The following CNTN5 variants were observed in gnomAD, a reference collection of about 807,000 sequenced individuals.
CNTN5 encodes the protein contactin-5.
In CNTN5, 77 loss-of-function variants were observed where a neutral mutation model predicts 129.1. That is an observed-to-expected ratio of 0.60 (90% CI 0.50 to 0.72). CNTN5 has a LOEUF of 0.72. Among genes scored for constraint, CNTN5 ranks in the 30% least tolerant of loss-of-function variants. The pLI is 0.00. For missense variants in CNTN5, 1,478 were observed against 1,328.8 expected (o/e 1.11, Z -1.75); for synonymous variants, 509 against 465.6 (o/e 1.09, Z -1.20).
At chr11:99,904,234 C>G (rs1399838202) in intron 6 of CNTN5, among the ~76,000 whole-genome samples, 1 of 152,102 alleles carries the variant, frequency 6.6e-6, no homozygotes, top group African/African-American at 2.4e-5. Context: ...CACCCATCAA[C>G]TCATCATCTA....
intron 18 of CNTN5, among the ~76,000 whole-genome samples, chr11:100,282,850 C>T (rs1360813650): frequency 7.3e-6 from 1 of 137,822 alleles, no homozygotes; most frequent in Non-Finnish European, 1.6e-5. Flanking sequence ...AGAGGAGCCT[C>T]ACCACGTGGC....
intron 2 of CNTN5, among the ~76,000 whole-genome samples, chr11:99,446,226 C>T (rs1041467529): frequency 3.9e-5 from 6 of 151,938 alleles, no homozygotes; most frequent in African/African-American, 1.5e-4. Context: ...GTTGATTTCT[C>T]TTATTGCTGG....
intron 6 of CNTN5, among the ~76,000 whole-genome samples, chr11:99,902,241 AG>A (rs1318665912): frequency 1.3e-5 from 1 of 79,140 alleles, no homozygotes; most frequent in Non-Finnish European, 2.5e-5. Flanking sequence ...CAAGCTAAGG[AG>A]TTTTTTTTTT....
At chr11:100,350,536 T>C (rs2139037864) in intron 23 of CNTN5, among the ~76,000 whole-genome samples, 166 bp from the exon 24 acceptor site, 1 of 151,866 alleles carries the variant, frequency 6.6e-6, no homozygotes, top group African/African-American at 2.4e-5. Context: ...CCATGGCCCT[T>C]TTGTGTACTT....
intron 1 of CNTN5, among the ~76,000 whole-genome samples, chr11:99,097,985 G>GA (rs973505665): frequency 2.0e-5 from 3 of 151,366 alleles, no homozygotes; most frequent in African/African-American, 7.3e-5. Context: ...ATTTCTGAGC[G>GA]AAAAAAAACT....
At chr11:99,553,743 C>T (rs762366996) in intron 2 of CNTN5, among the ~76,000 whole-genome samples, 8 of 151,468 alleles carry the variant, frequency 5.3e-5, no homozygotes, top group Non-Finnish European at 1.0e-4. Context: ...TATACAGCTA[C>T]AATTTGTCAA....
chr11:99,121,992 T>TA (rs1555050229), intron 1 of CNTN5, among the ~76,000 whole-genome samples: 2 of 151,702 alleles, frequency 1.3e-5, no homozygotes, highest in Non-Finnish European at 2.9e-5. Flanking sequence ...TATATATATA[T>TA]TTTTATTATA....
At chr11:99,347,298 T>G (rs1937962157) in intron 2 of CNTN5, among the ~76,000 whole-genome samples, 1 of 152,298 alleles carries the variant, frequency 6.6e-6, no homozygotes, top group South Asian at 2.1e-4. Flanking sequence ...ACAAAAAGAT[T>G]ATTATTATCA....
intron 2 of CNTN5, among the ~76,000 whole-genome samples, chr11:99,477,348 G>T (rs537586339): frequency 6.6e-6 from 1 of 151,716 alleles, no homozygotes; most frequent in East Asian, 1.9e-4. Flanking sequence ...TAGGGATCTT[G>T]TATTCTGTGA....
intron 3 of CNTN5, among the ~76,000 whole-genome samples, chr11:99,805,920 C>G (rs933699483): frequency 4.6e-5 from 7 of 152,158 alleles, no homozygotes; most frequent in African/African-American, 1.7e-4. Context: ...GTGTTCAGCA[C>G]TAAGCTGTTA....
intron 3 of CNTN5, among the ~76,000 whole-genome samples, chr11:99,803,339 C>T (rs563885663): frequency 6.6e-6 from 1 of 152,300 alleles, no homozygotes; most frequent in African/African-American, 2.4e-5. Context: ...TGTAGTAGCT[C>T]TTCTCCCACC....
rs188425178 is a variant in CNTN5 at position 100,196,279 on chromosome 11, G to A, written c.1884+2616G>A. ...GAAAAACACATTACCACTGCATGAG[G>A]TAACTTAAACTAACTAAACCTCTCA... On this transcript the variant is annotated intron_variant, in intron 15 of 24. Transcript: ENST00000524871. Among the ~76,000 whole-genome samples, 157 of 152,070 alleles carry A rather than the reference G, an allele frequency of 1.0e-3. 3 individuals are homozygous for A. Among genetic ancestry groups the A allele is most frequent in the African/African-American group, 3.5e-3 (145 of 41,534 alleles).
chr11:99,896,440 T>A (rs1949208872), intron 6 of CNTN5, among the ~76,000 whole-genome samples: 1 of 152,054 alleles, frequency 6.6e-6, no homozygotes, highest in African/African-American at 2.4e-5. Flanking sequence ...TTCATGTACC[T>A]CCAGCATGGG....
At chr11:99,453,995 T>A (rs560571547) in intron 2 of CNTN5, among the ~76,000 whole-genome samples, 1 of 152,286 alleles carries the variant, frequency 6.6e-6, no homozygotes, top group African/African-American at 2.4e-5. Context: ...AGTATTCCAA[T>A]CTTCACTCAG....
intron 1 of CNTN5, among the ~76,000 whole-genome samples, chr11:99,101,720 G>T (rs1021905838): frequency 6.6e-6 from 1 of 152,212 alleles, no homozygotes; most frequent in African/African-American, 2.4e-5. Context: ...CACCACTTCT[G>T]TGGCTTTGCA....
At chr11:99,239,854 G>A (rs867456736) in intron 1 of CNTN5, among the ~76,000 whole-genome samples, 1 of 151,634 alleles carries the variant, frequency 6.6e-6, no homozygotes, top group South Asian at 2.1e-4. Flanking sequence ...GGAGAATGGC[G>A]GGAACCCGGG....
rs550454399 is a variant in CNTN5, at chr11:99,632,045, T to C, written c.55+75776T>C. 5.3e-5 allele frequency among the ~76,000 whole-genome samples: 8 copies of C among 152,268 alleles called. No individual in the cohort carries two copies. The South Asian group carries it at 1.4e-3, about 28-fold the overall frequency. On this transcript the variant is annotated intron_variant, in intron 3 of 24. Transcript: ENST00000524871. ...ATGTATAGGAAGAAACATAGTAATA[T>C]AGAAGGTTTGGTGCATCCATGGTTT... is the stretch of plus-strand genomic sequence containing the variant.
chr11:99,490,957 A>C (rs1203223469), intron 2 of CNTN5, among the ~76,000 whole-genome samples: 1 of 152,056 alleles, frequency 6.6e-6, no homozygotes, highest in East Asian at 1.9e-4. Context: ...TCTAACCACT[A>C]TTGGGACAGC....
At chr11:100,107,170 C>A (rs1390724914) in intron 13 of CNTN5, among the ~76,000 whole-genome samples, 1 of 152,060 alleles carries the variant, frequency 6.6e-6, no homozygotes, top group Non-Finnish European at 1.5e-5. Flanking sequence ...TCCCCAAGAC[C>A]ACTTTTTCCT....
Sources: allele counts gnomAD v4.1 joint callset (sites outside exome capture counted in the v4.1 genomes callset), GRCh38; gene constraint gnomAD v4.1.1; transcripts MANE v1.5; gene names NCBI Gene and HGNC (gene_info 2026-07-23, HGNC 2026-07-21).